Variants in NFIB observed in about 807,000 individuals in gnomAD.
NFIB encodes nuclear factor I B, also known as nuclear factor 1 B-type.
A neutral mutation model predicts 61.5 loss-of-function variants in NFIB; 11 were observed. The ratio of observed to expected loss-of-function variants is 0.18; its 90% confidence interval spans 0.11 to 0.30. The LOEUF is 0.30. Among genes scored for constraint, NFIB ranks in the 10% least tolerant of loss-of-function variants. The pLI, the probability that NFIB is intolerant of heterozygous loss-of-function variation, is 1.00. For missense variants in NFIB, 471 were observed against 608.9 expected, an observed-to-expected ratio of 0.77 and a Z score of 2.38; for synonymous variants, 260 against 216.5, an observed-to-expected ratio of 1.20 and a Z score of -1.76.
rs1587038233 is a variant in NFIB at position 14,086,438 on chromosome 9, A to G, written c.*1871T>C. On this transcript the variant is annotated 3_prime_UTR_variant, in exon 11 of 11. Coordinates refer to ENST00000380953, the MANE Select transcript of NFIB (RefSeq NM_001190737.2). ...AATAACCAATACAGCTAAAAGCACTACCTACATAGGCAAAACTTGGTATTG... is the reference window on the plus strand; with the variant it reads ...AATAACCAATACAGCTAAAAGCACTGCCTACATAGGCAAAACTTGGTATTG... 2 of 216,744 alleles carry G rather than the reference A, an allele frequency of 9.2e-6. No individual in the cohort carries two copies. Among genetic ancestry groups the G allele is most frequent in the East Asian group, 1.4e-4 (2 of 14,676 alleles). The allele number at this position is 216,744 out of a possible 1,614,324, so 13.4% of individuals were successfully genotyped here.
intron 2 of NFIB, among the ~76,000 whole-genome samples, chr9:14,271,559 C>T (rs1563963085): frequency 6.6e-6 from 1 of 152,024 alleles, no homozygotes; most frequent in Non-Finnish European, 1.5e-5. Flanking sequence ...GGAAAAAAAT[C>T]AGACCAAGAG....
At chr9:14,127,440 A>C (rs1202121699) in intron 6 of NFIB, among the ~76,000 whole-genome samples, 1 of 151,904 alleles carries the variant, frequency 6.6e-6, no homozygotes, top group African/African-American at 2.4e-5. Context: ...AACTCATAAC[A>C]AATCTTATTT....
chr9:14,314,187 G>T, upstream of NFIB: 1 of 817,802 alleles, frequency 1.2e-6, no homozygotes, highest in Non-Finnish European at 1.5e-6. Context: ...GGTGGGGGCG[G>T]GGTGGGATGG....
intron 2 of NFIB, among the ~76,000 whole-genome samples, chr9:14,265,860 T>TTATGTTAGG (rs1367004632): frequency 2.0e-5 from 3 of 152,168 alleles, no homozygotes; most frequent in African/African-American, 7.2e-5. Flanking sequence ...GTAATCAGTC[T>TTATGTTAGG]TATGTTAGGG....
At chr9:14,293,591 A>AT (rs1273198420) in intron 2 of NFIB, among the ~76,000 whole-genome samples, 2 of 152,236 alleles carry the variant, frequency 1.3e-5, no homozygotes, top group Non-Finnish European at 2.9e-5. Flanking sequence ...CTTTCTGAAC[A>AT]TAAGTGCGGA....
rs951172492 is a variant in NFIB, at chr9:14,175,078, T to C, written c.616+4649A>G. Among the ~76,000 whole-genome samples the C allele has an allele frequency of 2.6e-5, 4 of 151,774 alleles. 1 individual carries two copies. Among genetic ancestry groups the C allele is most frequent in the Non-Finnish European group, 5.9e-5 (4 of 67,948 alleles). On this transcript the variant is annotated intron_variant, in intron 3 of 10. Transcript: ENST00000380953. ...ATTTGGTTTGTTTCTATTAGTTTTA[T>C]GACAACCTTCTGTTGGCTTTGATTT...
In NFIB at chr9:14,112,861, T is replaced by A. The variant is rs923117058; in HGVS notation, c.1467+138A>T. ...GAAACAAAGGATCAATGAGAAAAAA[T>A]TCTGGGAAATGAAATGATCAGTTTT... is the stretch of plus-strand genomic sequence containing the variant. On this transcript the variant is annotated intron_variant, in intron 10 of 10. Coordinates refer to ENST00000380953, the MANE Select transcript of NFIB (RefSeq NM_001190737.2). The A allele has an allele frequency of 4.4e-6, 3 of 682,392 alleles. No individual in the cohort carries two copies. In the African/African-American group the frequency reaches 5.5e-5, roughly 13 times the overall value. 42.3% of individuals were successfully genotyped at this position (682,392 alleles called of 1,614,324 possible).
the NFIB span, among the ~76,000 whole-genome samples, chr9:14,507,860 C>T: frequency 2.4e-4 from 36 of 151,836 alleles, no homozygotes; most frequent in Admixed American, 8.5e-4. Flanking sequence ...ACACAGGCTG[C>T]CGGCATCAGA....
intron 2 of NFIB, among the ~76,000 whole-genome samples, chr9:14,236,525 T>C (rs952287340): frequency 6.6e-6 from 1 of 152,170 alleles, no homozygotes; most frequent in Non-Finnish European, 1.5e-5. Flanking sequence ...GGACGATGCA[T>C]GTGGAATTGT....
chr9:14,306,981 G>C lies in NFIB; in HGVS notation c.562+8C>G. 6.2e-7 allele frequency: 1 copy of C among 1,613,320 alleles called. No homozygotes were observed. Among genetic ancestry groups the C allele is most frequent in the African/African-American group, 1.3e-5 (1 of 75,020 alleles). ...GCCGTGCTAGAAAAAAGAACAATCT[G>C]CTCCTACCTTGCTCCTGCACGTAGT... On this transcript the variant is annotated splice_region_variant and intron_variant, in intron 2 of 10. Transcript: ENST00000380953.
At chr9:14,321,835 C>T in intron 1 of NFIB, 1 of 1,204,438 alleles carries the variant, frequency 8.3e-7, no homozygotes, top group South Asian at 4.2e-5. Flanking sequence ...AAAACAGCCA[C>T]TTTGCAATCC....
chr9:14,133,727 ATG>A (rs903288079), intron 6 of NFIB, among the ~76,000 whole-genome samples: 1 of 152,322 alleles, frequency 6.6e-6, no homozygotes, highest in Non-Finnish European at 1.5e-5. Context: ...TATGAGTGTT[ATG>A]TAGAATAAGA....
At chr9:14,287,484 C>T (rs1457266126) in intron 2 of NFIB, among the ~76,000 whole-genome samples, 1 of 151,890 alleles carries the variant, frequency 6.6e-6, no homozygotes, top group African/African-American at 2.4e-5. Flanking sequence ...AGCGCAATGG[C>T]GCGATCTCGG....
intron 9 of NFIB, among the ~76,000 whole-genome samples, chr9:14,113,734 A>G (rs1374838239): frequency 1.3e-5 from 2 of 152,206 alleles, no homozygotes; most frequent in African/African-American, 4.8e-5. Flanking sequence ...ACAAAAATCA[A>G]TTACTTGTAA....
At chr9:14,215,809 C>T (rs117309525) in intron 2 of NFIB, among the ~76,000 whole-genome samples, 19 of 152,314 alleles carry the variant, frequency 1.2e-4, no homozygotes, top group Non-Finnish European at 2.8e-4. Context: ...GAATTTTCAA[C>T]TATCTTGCCC....
At chr9:14,252,505 G>A (rs2055744520) in intron 2 of NFIB, among the ~76,000 whole-genome samples, 1 of 151,980 alleles carries the variant, frequency 6.6e-6, no homozygotes, top group Non-Finnish European at 1.5e-5. Flanking sequence ...AGGTAAAGAA[G>A]TGTCATGATT....
At chr9:14,158,316 T>C (rs1323078051) in intron 3 of NFIB, among the ~76,000 whole-genome samples, 2 of 152,092 alleles carry the variant, frequency 1.3e-5, no homozygotes, top group Non-Finnish European at 2.9e-5. Flanking sequence ...TCCTTCAAAA[T>C]CCAGCCCAAC....
the NFIB span, among the ~76,000 whole-genome samples, chr9:14,500,827 A>G: frequency 6.6e-6 from 1 of 152,098 alleles, no homozygotes; most frequent in Non-Finnish European, 1.5e-5. Context: ...GCGAATCTAC[A>G]TGGTGTTTAC....
chr9:14,225,495 T>C (rs1365540665), intron 2 of NFIB, among the ~76,000 whole-genome samples: 8 of 116,586 alleles, frequency 6.9e-5, no homozygotes, highest in Non-Finnish European at 7.5e-5. Context: ...AAGAAGAAAA[T>C]AGGTAATATG....
Sources: gnomAD v4.1 joint callset for allele counts (sites outside exome capture counted in the v4.1 genomes callset) on GRCh38, gnomAD v4.1.1 for gene constraint, MANE v1.5 for transcripts, NCBI Gene and HGNC (gene_info 2026-07-23, HGNC 2026-07-21) for gene names.